MCF2L: variants seen among roughly 807,000 people sequenced by gnomAD.
MCF2L encodes the protein guanine nucleotide exchange factor DBS.
Under a neutral mutation model 153.4 loss-of-function variants are expected in MCF2L, and 97 were observed. The ratio of observed to expected loss-of-function variants is 0.63; its 90% CI spans 0.54 to 0.75. The LOEUF (loss-of-function observed/expected upper bound fraction) is 0.75. Ranked by LOEUF, MCF2L falls within the 30% of genes least tolerant of loss-of-function variation. The pLI, the probability that MCF2L is intolerant of heterozygous loss-of-function variation, is 0.00. For missense variants in MCF2L, 1,347 were observed against 1,495.2 expected, an observed-to-expected ratio of 0.90 and a Z score of 1.64; for synonymous variants, 659 against 632.2, an observed-to-expected ratio of 1.04 and a Z score of -0.64.
At chr13:112,968,686 C>A, upstream of MCF2L, 1 of 1,436,540 alleles carries the variant, frequency 7.0e-7, no homozygotes, top group Non-Finnish European at 9.1e-7. Flanking sequence ...GCCTCTGCAG[C>A]TTCTACACCT....
intron 3 of MCF2L, among the ~76,000 whole-genome samples, chr13:113,030,793 C>A (rs1317379753): frequency 1.3e-5 from 2 of 152,192 alleles, no homozygotes; most frequent in Non-Finnish European, 2.9e-5. Flanking sequence ...CAGCGACAAG[C>A]AGATTCCAGA....
At chr13:112,972,501 T>G (rs2082076245) in intron 1 of MCF2L, among the ~76,000 whole-genome samples, 1 of 147,114 alleles carries the variant, frequency 6.8e-6, no homozygotes, top group Non-Finnish European at 1.5e-5. Flanking sequence ...TGATGATGGA[T>G]GGATGGATGT....
intron 2 of MCF2L, among the ~76,000 whole-genome samples, chr13:112,902,691 T>G (rs1277487071): frequency 6.6e-6 from 1 of 152,240 alleles, no homozygotes; most frequent in Non-Finnish European, 1.5e-5. Context: ...GGGTTCCAAA[T>G]AAAGCACAGT....
rs114332316 is a variant in MCF2L, at chr13:113,067,057, A to G, written c.881+887A>G. ...GGCAGAGGCTGCAGCACAGCCCATG[A>G]GGGTGGGCCCTGCCCTGGCCTGTGT... On this transcript the variant is annotated intron_variant, in intron 8 of 29. Coordinates refer to ENST00000535094, the MANE Select transcript of MCF2L (RefSeq NM_001112732.3). 9.8e-3 allele frequency among the ~76,000 whole-genome samples: 1,491 copies of G among 152,366 alleles called. 25 individuals are homozygous for G. The highest frequency in any genetic ancestry group is 0.034 in the African/African-American group (1,399 of 41,594).
chr13:113,016,457 G>T (rs912070138), intron 2 of MCF2L, among the ~76,000 whole-genome samples: 2 of 152,188 alleles, frequency 1.3e-5, no homozygotes, highest in Non-Finnish European at 2.9e-5. Context: ...CAGGATCACA[G>T]CCCGGCAACC....
intron 2 of MCF2L, among the ~76,000 whole-genome samples, chr13:112,947,923 GA>G (rs2081654003): frequency 1.3e-5 from 2 of 152,228 alleles, no homozygotes; most frequent in African/African-American, 2.4e-5. Context: ...GGGTGGAGGA[GA>G]AAGCCATGCC....
chr13:113,065,973 C>A, intron 7 of MCF2L, 73 bp from the exon 8 acceptor site: 2 of 1,516,182 alleles, frequency 1.3e-6, no homozygotes, highest in Non-Finnish European at 1.8e-6. Flanking sequence ...AGCAAGGCCC[C>A]ACGAGGCCTC....
intron 2 of MCF2L, among the ~76,000 whole-genome samples, chr13:112,954,541 G>A (rs2081734181): frequency 2.0e-5 from 3 of 152,200 alleles, no homozygotes; most frequent in South Asian, 2.1e-4. Context: ...CCAGAGGAGG[G>A]TTTGCATGGA....
intron 1 of MCF2L, among the ~76,000 whole-genome samples, chr13:112,992,899 G>A (rs1266649037): frequency 6.6e-6 from 1 of 152,212 alleles, no homozygotes; most frequent in Non-Finnish European, 1.5e-5. Flanking sequence ...ACATTTCTCT[G>A]CAATGTGTGT....
intron 2 of MCF2L, among the ~76,000 whole-genome samples, chr13:113,023,086 T>C (rs1047880491): frequency 1.3e-5 from 2 of 152,184 alleles, no homozygotes; most frequent in Non-Finnish European, 2.9e-5. Context: ...TTCCTTAGAA[T>C]GCAGCATTGC....
At chr13:112,958,408 G>A (rs2081783949) in intron 2 of MCF2L, among the ~76,000 whole-genome samples, 1 of 152,206 alleles carries the variant, frequency 6.6e-6, no homozygotes, top group Non-Finnish European at 1.5e-5. Flanking sequence ...ATTGAATGAG[G>A]CCCAGCCCAC....
At chr13:113,014,493 G>T (rs908593814) in intron 1 of MCF2L, among the ~76,000 whole-genome samples, 3 of 152,106 alleles carry the variant, frequency 2.0e-5, no homozygotes, top group African/African-American at 4.8e-5. Context: ...CTCTCTCTTT[G>T]TCCCTCCCTC....
At chr13:112,961,554 TG>T (rs2140755435) in intron 2 of MCF2L, among the ~76,000 whole-genome samples, 1 of 152,350 alleles carries the variant, frequency 6.6e-6, no homozygotes, top group Non-Finnish European at 1.5e-5. Flanking sequence ...CCTGCTGCTG[TG>T]GGCTTGGTGT....
intron 4 of MCF2L, among the ~76,000 whole-genome samples, chr13:113,057,025 G>GTTTA (rs2030054300): frequency 6.8e-6 from 1 of 147,082 alleles, no homozygotes; most frequent in African/African-American, 2.5e-5. Flanking sequence ...GGTGCTGAGT[G>GTTTA]GGCACTGAGT....
chr13:113,011,668 A>G (rs1372931327), intron 1 of MCF2L, among the ~76,000 whole-genome samples: 3 of 68,640 alleles, frequency 4.4e-5, no homozygotes, highest in African/African-American at 1.4e-4. Context: ...GGACACTGTG[A>G]TGCAGACGGT....
intron 1 of MCF2L, chr13:112,894,537 C>G (rs79328317): frequency 0.034 from 5,160 of 152,014 alleles, 120 homozygotes; most frequent in East Asian, 0.08. Context: ...GGGGCCGTCT[C>G]CCCCGCGTCC....
intron 2 of MCF2L, among the ~76,000 whole-genome samples, chr13:112,934,348 G>A (rs1311303053): frequency 6.6e-6 from 1 of 152,236 alleles, no homozygotes; most frequent in African/African-American, 2.4e-5. Flanking sequence ...CCAGGCATGT[G>A]GTCTGCACAT....
chr13:113,039,427 T>C (rs572820721), intron 3 of MCF2L, among the ~76,000 whole-genome samples: 4 of 152,240 alleles, frequency 2.6e-5, no homozygotes, highest in East Asian at 1.9e-4. Flanking sequence ...TAAAAAGCAG[T>C]TATCAAAAAA....
At chr13:113,025,900 C>T (rs1173336664) in intron 3 of MCF2L, among the ~76,000 whole-genome samples, 4 of 119,166 alleles carry the variant, frequency 3.4e-5, no homozygotes, top group Admixed American at 8.8e-5. Context: ...TGAGGTTTCC[C>T]CATTGTGGGG....
Sources: allele counts gnomAD v4.1 joint callset (sites outside exome capture counted in the v4.1 genomes callset), GRCh38; gene constraint gnomAD v4.1.1; transcripts MANE v1.5; gene names NCBI Gene and HGNC (gene_info 2026-07-23, HGNC 2026-07-21).